WDR24: variants seen among roughly 807,000 people sequenced by gnomAD.
WDR24 encodes the protein GATOR2 complex protein WDR24.
In WDR24, 32 loss-of-function variants were observed where a neutral mutation model predicts 66.7. The observed-to-expected ratio is 0.48, with a 90% CI of 0.36 to 0.64. The LOEUF (loss-of-function observed/expected upper bound fraction) is 0.64, where lower values mean the gene tolerates loss of function less well. WDR24 is among the 30% of genes least tolerant of loss of function. WDR24 has a pLI of 0.00. For synonymous variants in WDR24, 565 were observed against 469.1 expected, an observed-to-expected ratio of 1.20 and a Z score of -2.64; for missense variants, 978 against 1,144.1, an observed-to-expected ratio of 0.85 and a Z score of 2.09.
At position 686,860 on chromosome 16, in the gene WDR24, C is replaced by T. The variant is rs770451789; in HGVS notation, c.1216G>A (p.Gly406Ser). 16 of 1,610,494 alleles carry T rather than the reference C, an allele frequency of 9.9e-6. No individual in the cohort carries two copies. The Admixed American group carries it at 2.7e-4, about 27-fold the overall frequency. ...TCCACAAACCAGCGCATGCCGCCGC[C>T]ACCTGGCTCCGTCTCAAAGACACTG... is the stretch of plus-strand genomic sequence containing the variant. Reference protein sequence around the residue: ...ALSVFETEPGGGGMRWFVDTA... With the variant: ...ALSVFETEPGSGGMRWFVDTA... Residue 406 changes from glycine (G) to serine (S), a missense_variant, in exon 3 of 9, where the codon GGC (glycine) becomes AGC (serine). Coordinates refer to ENST00000293883, the MANE Select transcript of WDR24 (RefSeq NM_032259.4).
chr16:685,954 A>T lies in WDR24; in HGVS notation c.1488T>A (p.Ser496Arg). The change falls in exon 5 of 9, where the codon AGT becomes AGA. Residue 496 changes from serine (S) to arginine (R), a missense_variant. Around this residue, in one of 2 missense-constraint regions of WDR24, gnomAD observed 676 missense variants for 617.5 expected, o/e 1.09. Coordinates refer to ENST00000293883, the MANE Select transcript of WDR24 (RefSeq NM_032259.4). Reference sequence around the variant, plus strand: ...CTTTGCTGCGGTCCAGCCGCGTCTCACTGCCCAACCCTGGGGCCATATCCT... The same window carrying T: ...CTTTGCTGCGGTCCAGCCGCGTCTCTCTGCCCAACCCTGGGGCCATATCCT... ...NLKDMAPGLG[S>R]ETRLDRSKGD... 6.2e-7 allele frequency: 1 copy of T among 1,612,988 alleles called. No homozygotes were observed. The highest frequency in any genetic ancestry group is 8.5e-7 in the Non-Finnish European group (1 of 1,179,970).
In WDR24 at chr16:687,628, C is replaced by T. The variant is rs1313629797; in HGVS notation, c.593G>A (p.Arg198Gln). Residue 198 changes from arginine to glutamine, a missense_variant, in exon 2 of 9, where the codon CGG (arginine) becomes CAG (glutamine). Physicochemically the swap from Arg to Gln is conservative, Grantham distance 43. Transcript: ENST00000293883. ...GTGGGCTGTGAACATCCTCTCGCAC[C>T]GGTCGGGACGCCGGATGTCCCAGAG... ...VQLWDIRRPD[R>Q]CERMFTAHNG... The T allele has an allele frequency of 1.2e-6, 2 of 1,613,536 alleles. No homozygotes were observed. The highest frequency in any genetic ancestry group is 1.7e-6 in the Non-Finnish European group (2 of 1,180,030).
Position 685,149 on chromosome 16 carries a change from G to C in WDR24, c.2047C>G (p.Leu683Val), listed in dbSNP as rs1367311688. 2 of 1,571,790 alleles carry C rather than the reference G, an allele frequency of 1.3e-6. No individual in the cohort carries two copies. Among genetic ancestry groups the C allele is most frequent in the South Asian group, 1.2e-5 (1 of 86,928 alleles). ...TTCCAGAGGCGGAAGCGCTGCAGCA[G>C]GTCGATGTAGGAAGTGTACCAGTGC... is the stretch of plus-strand genomic sequence containing the variant. ...QEHWYTSYID[L>V]LQRFRLWNVS... The change falls in exon 8 of 9, where the codon CTG (leucine) becomes GTG (valine). Residue 683 changes from leucine to valine, a missense_variant. Physicochemically the swap from Leu to Val is conservative, Grantham distance 32. Coordinates refer to ENST00000293883, the MANE Select transcript of WDR24 (RefSeq NM_032259.4).
Position 684,681 on chromosome 16 carries a change from G to C in WDR24, c.*53C>G, listed in dbSNP as rs1018477102. 4.9e-5 allele frequency: 75 copies of C among 1,515,440 alleles called. No homozygotes were observed. The highest frequency in any genetic ancestry group is 6.1e-5 in the Non-Finnish European group (69 of 1,133,458). 93.9% of individuals were successfully genotyped at this position (1,515,440 alleles called of 1,614,324 possible). On this transcript the variant is annotated 3_prime_UTR_variant, in exon 9 of 9. Coordinates refer to ENST00000293883, the MANE Select transcript of WDR24 (RefSeq NM_032259.4). ...CAGCCTCCGCCCGTCTCGGGCACAAGACCAGGCGGGGTTCTGCACGCGGCC... is the reference window on the plus strand; with the variant it reads ...CAGCCTCCGCCCGTCTCGGGCACAACACCAGGCGGGGTTCTGCACGCGGCC...
At position 685,432 on chromosome 16, in the gene WDR24, GAGA is replaced by G. The variant is rs1350856360; in HGVS notation, c.1841_1843del (p.Phe614del). 3 of 1,610,532 alleles carry G rather than the reference GAGA, an allele frequency of 1.9e-6. No homozygotes were observed. Among genetic ancestry groups the G allele is most frequent in the Admixed American group, 1.7e-5 (1 of 59,970 alleles). ...GAGCGCGTGTGAGACAGACAGGAGC[GAGA>G]AGGAGGAGTCCACGGGGGCCAGGGA... On this transcript the variant is annotated inframe_deletion, in exon 7 of 9. Coordinates refer to ENST00000293883, the MANE Select transcript of WDR24 (RefSeq NM_032259.4).
At position 685,573 on chromosome 16, in the gene WDR24, G is replaced by A. The variant is rs1377887367; in HGVS notation, c.1703C>T (p.Pro568Leu). The A allele has an allele frequency of 7.5e-6, 12 of 1,590,784 alleles. No individual in the cohort carries two copies. Among genetic ancestry groups the A allele is most frequent in the South Asian group, 1.1e-5 (1 of 89,888 alleles). The change falls in exon 7 of 9, where the codon CCG (proline) becomes CTG (leucine). Residue 568 changes from proline to leucine, a missense_variant. By Grantham distance (98) the Pro-to-Leu change is moderately conservative. This residue lies in a region of WDR24 where 676 missense variants were observed against 617.5 expected (regional missense o/e 1.09). Transcript: ENST00000293883. ...AHPEDPECVL[P>L]QEAFPLRHEI... ...GTGGCGCAGCGGAAAGGCCTCCTGCGGCAGCACGCACTCAGGGTCCTCGGC... is the reference window on the plus strand; with the variant it reads ...GTGGCGCAGCGGAAAGGCCTCCTGCAGCAGCACGCACTCAGGGTCCTCGGC...
intron 4 of WDR24, 32 bp downstream of exon 4, chr16:686,036 A>AGCCCCTGGGGAGAGCT (rs748306301): frequency 6.2e-7 from 1 of 1,612,768 alleles, no homozygotes; most frequent in South Asian, 1.1e-5. Flanking sequence ...GAGCAGCCCC[A>AGCCCCTGGGGAGAGCT]GCCCCTGGGG....
In WDR24 at chr16:690,319, G is replaced by T. The variant is rs1452543039; in HGVS notation, c.-679C>A. 3 of 454,270 alleles carry T rather than the reference G, an allele frequency of 6.6e-6. No individual in the cohort carries two copies. The highest frequency in any genetic ancestry group is 6.0e-5 in the African/African-American group (3 of 50,034). The allele number at this position is 454,270 out of a possible 1,614,324, so 28.1% of individuals were successfully genotyped here. On this transcript the variant is annotated 5_prime_UTR_variant, in exon 1 of 9. Coordinates refer to ENST00000293883, the MANE Select transcript of WDR24 (RefSeq NM_032259.4). ...CTGCGGGACGAGAACCAGAGGGCCC[G>T]GGGCAGCCCTTCTCCCCCGCGCGAA... is the stretch of plus-strand genomic sequence containing the variant.
Position 686,894 on chromosome 16 carries a change from G to A in WDR24, c.1182C>T (p.Ser394=), listed in dbSNP as rs1201670537. ...CCGTCTCAAAGACACTGAGGGCACT[G>A]GAGGCGAGGCCTGCGAAGGGCTCGG... ...DPAEPFAGLA[S]SALSVFETEP... The change falls in exon 3 of 9, where the codon TCC becomes TCT. Residue 394 remains serine, a synonymous_variant. Coordinates refer to ENST00000293883, the MANE Select transcript of WDR24 (RefSeq NM_032259.4). 1.9e-6 allele frequency: 3 copies of A among 1,609,086 alleles called. No individual in the cohort carries two copies. The African/African-American group carries it at 4.0e-5, about 21-fold the overall frequency.
In WDR24 at chr16:687,651, G is replaced by T. The variant is rs1158725051; in HGVS notation, c.570C>A (p.Leu190=). Residue 190 remains leucine (L), a synonymous_variant, in exon 2 of 9, where the codon CTC becomes CTA. Transcript: ENST00000293883. ...ACCGGTCGGGACGCCGGATGTCCCA[G>T]AGCTGCACATTGCCGTTCTCAAAGG... The part of the protein sequence containing the change: ...ASTFENGNVQ[L]WDIRRPDRCE... 6.2e-7 allele frequency: 1 copy of T among 1,613,634 alleles called. No homozygotes were observed. Among genetic ancestry groups the T allele is most frequent in the East Asian group, 2.2e-5 (1 of 44,884 alleles).
At position 686,802 on chromosome 16, in the gene WDR24, G is replaced by A; in HGVS notation, c.1274C>T (p.Pro425Leu). 1.9e-6 allele frequency: 3 copies of A among 1,611,222 alleles called. No individual in the cohort carries two copies. The highest frequency in any genetic ancestry group is 2.5e-6 in the Non-Finnish European group (3 of 1,178,814). The change falls in exon 3 of 9, where the codon CCA (proline) becomes CTA (leucine). Residue 425 changes from proline to leucine, a missense_variant. Around this residue, in one of 2 missense-constraint regions of WDR24, gnomAD observed 676 missense variants for 617.5 expected, o/e 1.09. Coordinates refer to ENST00000293883, the MANE Select transcript of WDR24 (RefSeq NM_032259.4). ...TAERYALAGR[P>L]LAELCDHNAK... is the part of the protein sequence containing the mutation. The stretch of plus-strand genomic sequence containing the variant: ...GTTGTGGTCACAGAGCTCGGCCAGT[G>A]GCCGGCCAGCCAGCGCATAACGCTC...
rs150137332 is a variant in WDR24 at position 689,326 on chromosome 16, G to T, written c.315C>A (p.Gly105=). ...TNGVVVTWNL[G]RPSRNKQDQL... ...GGTCCTGCTTGTTGCGGGATGGCCG[G>T]CCCAGGTTCCACGTGACCACCACGC... The change falls in exon 1 of 9, where the codon GGC becomes GGA. Residue 105 remains glycine (G), a synonymous_variant. Transcript: ENST00000293883. The T allele has an allele frequency of 3.6e-5, 58 of 1,613,664 alleles. No homozygotes were observed. The highest frequency in any genetic ancestry group is 1.6e-4 in the Middle Eastern group (1 of 6,084).
In WDR24 at chr16:690,387, G is replaced by T. The variant is rs998715880; in HGVS notation, c.-747C>A. 2 of 456,592 alleles carry T rather than the reference G, an allele frequency of 4.4e-6. No homozygotes were observed. The highest frequency in any genetic ancestry group is 4.0e-5 in the African/African-American group (2 of 50,082). 28.3% of individuals were successfully genotyped at this position (456,592 alleles called of 1,614,324 possible). On this transcript the variant is annotated 5_prime_UTR_variant, in exon 1 of 9. Coordinates refer to ENST00000293883, the MANE Select transcript of WDR24 (RefSeq NM_032259.4). Reference sequence around the variant, plus strand: ...AAGCGCACGGTTGTCCGGAACCGCCGCGCCGGAAGCCGCTGTCTTTCCCGT... The same window carrying T: ...AAGCGCACGGTTGTCCGGAACCGCCTCGCCGGAAGCCGCTGTCTTTCCCGT...
chr16:684,743 C>T lies in WDR24; in HGVS notation c.2364G>A (p.Glu788=), dbSNP rs2039863518. ...CCCAGCAGATGCCCCGTCAGGAGTA[C>T]TCGCAGAGGTGGCCGCAGCCTGCGG... The part of the protein sequence containing the change: ...HCPAGCGHLC[E]YS The change falls in exon 9 of 9, where the codon GAG becomes GAA. Residue 788 remains glutamate (E), a synonymous_variant. Transcript: ENST00000293883. The T allele has an allele frequency of 1.3e-6, 2 of 1,596,658 alleles. No individual in the cohort carries two copies. Among genetic ancestry groups the T allele is most frequent in the South Asian group, 1.1e-5 (1 of 89,068 alleles).
At position 687,351 on chromosome 16, in the gene WDR24, G is replaced by T; in HGVS notation, c.725C>A (p.Ala242Asp). The T allele has an allele frequency of 1.9e-6, 3 of 1,604,604 alleles. No homozygotes were observed. Among genetic ancestry groups the T allele is most frequent in the Non-Finnish European group, 1.7e-6 (2 of 1,175,086 alleles). The change falls in exon 3 of 9, where the codon GCC becomes GAC. Residue 242 changes from alanine (A) to aspartate (D), a missense_variant. Around this residue, in one of 2 missense-constraint regions of WDR24, gnomAD observed 302 missense variants for 526.6 expected, o/e 0.57. Transcript: ENST00000293883. The part of the protein sequence containing the change: ...VKVWDMTTHR[A>D]KEMHCVQTIA... ...GGTCTGCACACAGTGCATCTCCTTG[G>T]CACGGTGCGTGGTCATGTCCCAGAC...
chr16:686,915 C>G lies in WDR24; in HGVS notation c.1161G>C (p.Glu387Asp). The change falls in exon 3 of 9, where the codon GAG (glutamate) becomes GAC (aspartate). Residue 387 changes from glutamate (E) to aspartate (D), a missense_variant. By Grantham distance (45) the Glu-to-Asp change is conservative (BLOSUM62 2). Coordinates refer to ENST00000293883, the MANE Select transcript of WDR24 (RefSeq NM_032259.4). ...IFFKRKLDPAEPFAGLASSAL... is the reference protein window; with the variant it reads ...IFFKRKLDPADPFAGLASSAL... ...CACTGGAGGCGAGGCCTGCGAAGGG[C>G]TCGGCAGGGTCCAGCTTGCGCTTAA... The G allele has an allele frequency of 1.2e-6, 2 of 1,606,998 alleles. No individual in the cohort carries two copies. Among genetic ancestry groups the G allele is most frequent in the Middle Eastern group, 1.7e-4 (1 of 6,052 alleles).
rs773201630 is a variant in WDR24, at chr16:685,385, C to G, written c.1891G>C (p.Asp631His). 1.2e-5 allele frequency: 19 copies of G among 1,612,290 alleles called. No individual in the cohort carries two copies. Among genetic ancestry groups the G allele is most frequent in the Non-Finnish European group, 1.4e-5 (17 of 1,179,852 alleles). Residue 631 changes from aspartate to histidine, a missense_variant, in exon 7 of 9, where the codon GAC (aspartate) becomes CAC (histidine). Physicochemically the swap from Asp to His is moderately conservative, Grantham distance 81. Coordinates refer to ENST00000293883, the MANE Select transcript of WDR24 (RefSeq NM_032259.4). ...TCGCGCACCAGCACGCCGAAGAAGT[C>G]GGGCGGCAGGCGGCTGTCGTAGAGC... Reference protein sequence around the residue: ...HALYDSRLPPDFFGVLVRDML... With the variant: ...HALYDSRLPPHFFGVLVRDML...
At position 685,097 on chromosome 16, in the gene WDR24, C is replaced by G. The variant is rs2151514532; in HGVS notation, c.2099G>C (p.Ser700Thr). 1 of 1,556,040 alleles carries G rather than the reference C, an allele frequency of 6.4e-7. No homozygotes were observed. The highest frequency in any genetic ancestry group is 8.7e-7 in the Non-Finnish European group (1 of 1,150,718). Residue 700 changes from serine (S) to threonine (T), a missense_variant, in exon 8 of 9, where the codon AGC becomes ACC. Around this residue, in one of 2 missense-constraint regions of WDR24, gnomAD observed 676 missense variants for 617.5 expected, o/e 1.09. Transcript: ENST00000293883. ...WNVSNEVVKL[S>T]TSRAVSCLNQ... ...GAGGCAGCTGACGGCGCGGCTGGTG[C>G]TCAGCTTGACCACCTCGTTGGACAC...
chr16:685,234 G>C, intron 7 of WDR24, 23 bp downstream of exon 7: 13 of 1,594,920 alleles, frequency 8.2e-6, no homozygotes, highest in Non-Finnish European at 1.0e-5. Flanking sequence ...CGCTGCAGGG[G>C]GGAGGCCCCG....
Sources: allele counts gnomAD v4.1 joint callset, GRCh38; gene constraint gnomAD v4.1.1; regional missense constraint gnomAD v4.1.1; transcripts MANE v1.5; gene names NCBI Gene and HGNC (gene_info 2026-07-23, HGNC 2026-07-21).